Variants in NKAIN2 observed in about 807,000 individuals in gnomAD.
NKAIN2 encodes the protein sodium/potassium transporting ATPase interacting 2, also known as sodium/potassium-transporting ATPase subunit beta-1-interacting protein 2.
NKAIN2 carries 14 observed loss-of-function variants against 32.6 expected under a neutral mutation model. That is an observed-to-expected ratio of 0.43 (90% CI 0.28 to 0.67). The LOEUF (loss-of-function observed/expected upper bound fraction) is 0.67, where lower values mean the gene tolerates loss of function less well. Ranked by LOEUF, NKAIN2 falls within the 30% of genes least tolerant of loss-of-function variation. NKAIN2 has a pLI of 0.17. For missense variants in NKAIN2, 198 were observed against 258.3 expected (o/e 0.77, Z 1.60); for synonymous variants, 80 against 87.2 (o/e 0.92, Z 0.46).
intron 3 of NKAIN2, among the ~76,000 whole-genome samples, chr6:124,556,712 C>G (rs1780489751): frequency 6.6e-6 from 1 of 151,644 alleles, no homozygotes; most frequent in Non-Finnish European, 1.5e-5. Context: ...AAAATTAGTC[C>G]CCACAAAACT....
intron 1 of NKAIN2, among the ~76,000 whole-genome samples, chr6:124,021,462 T>C (rs990325153): frequency 6.6e-6 from 1 of 151,990 alleles, no homozygotes; most frequent in Non-Finnish European, 1.5e-5. Context: ...CCTTTCAATT[T>C]GTGTAATATA....
intron 3 of NKAIN2, among the ~76,000 whole-genome samples, chr6:124,571,078 G>A (rs1781110345): frequency 6.6e-6 from 1 of 152,134 alleles, no homozygotes; most frequent in African/African-American, 2.4e-5. Context: ...GACTTGCATG[G>A]GCCCTGTAGC....
At chr6:124,048,965 C>T (rs1042639013) in intron 1 of NKAIN2, among the ~76,000 whole-genome samples, 3 of 152,002 alleles carry the variant, frequency 2.0e-5, no homozygotes, top group African/African-American at 4.8e-5. Flanking sequence ...AAAGAGAGTA[C>T]GTAGAATCAG....
intron 1 of NKAIN2, among the ~76,000 whole-genome samples, chr6:123,993,025 T>C (rs1350644720): frequency 6.6e-6 from 1 of 151,880 alleles, no homozygotes; most frequent in Non-Finnish European, 1.5e-5. Flanking sequence ...TATTCCTATC[T>C]GGTAAAACAA....
intron 3 of NKAIN2, among the ~76,000 whole-genome samples, chr6:124,500,976 G>A (rs551419637): frequency 2.6e-5 from 4 of 152,170 alleles, no homozygotes; most frequent in Non-Finnish European, 4.4e-5. Context: ...AAGATAAGAT[G>A]TAGAAAAGAT....
intron 1 of NKAIN2, among the ~76,000 whole-genome samples, chr6:124,077,682 G>A (rs1329001221): frequency 6.7e-6 from 1 of 149,916 alleles, no homozygotes; most frequent in Non-Finnish European, 1.5e-5. Flanking sequence ...CTGCAGACTT[G>A]ATCTCCTGGG....
intron 3 of NKAIN2, among the ~76,000 whole-genome samples, chr6:124,484,971 T>C (rs1443037775): frequency 1.3e-5 from 2 of 152,108 alleles, no homozygotes; most frequent in African/African-American, 4.8e-5. Flanking sequence ...AAGAGCCCCT[T>C]CTGAGTGAAT....
At chr6:123,826,889 T>C (rs1044662439) in intron 1 of NKAIN2, among the ~76,000 whole-genome samples, 1 of 152,150 alleles carries the variant, frequency 6.6e-6, no homozygotes, top group Non-Finnish European at 1.5e-5. Flanking sequence ...CATATGGCAT[T>C]TCTATTTGTA....
intron 4 of NKAIN2, among the ~76,000 whole-genome samples, chr6:124,707,109 C>T (rs1395647152): frequency 9.3e-5 from 14 of 150,388 alleles, no homozygotes; most frequent in Admixed American, 2.7e-4. Flanking sequence ...TTTGTTCTTG[C>T]GATAGTTTAC....
At chr6:124,454,344 A>G (rs987639727) in intron 3 of NKAIN2, among the ~76,000 whole-genome samples, 2 of 152,082 alleles carry the variant, frequency 1.3e-5, no homozygotes, top group Non-Finnish European at 2.9e-5. Flanking sequence ...TAACATAAAT[A>G]AAATTGTAGA....
At chr6:123,995,706 C>T (rs923587461) in intron 1 of NKAIN2, among the ~76,000 whole-genome samples, 3 of 152,078 alleles carry the variant, frequency 2.0e-5, no homozygotes, top group Non-Finnish European at 4.4e-5. Flanking sequence ...ACATTGGTAA[C>T]ATTTTTGTAA....
chr6:124,293,217 T>C (rs1389540700), intron 2 of NKAIN2, among the ~76,000 whole-genome samples: 1 of 152,092 alleles, frequency 6.6e-6, no homozygotes, highest in Non-Finnish European at 1.5e-5. Flanking sequence ...CTAATATCTC[T>C]TTAAAATTTT....
At chr6:124,793,092 G>A (rs1779815134) in intron 5 of NKAIN2, among the ~76,000 whole-genome samples, 1 of 152,052 alleles carries the variant, frequency 6.6e-6, no homozygotes, top group East Asian at 1.9e-4. Context: ...CAGTATTGGA[G>A]ATAGAGAGGA....
chr6:123,998,435 G>T (rs1779725101), intron 1 of NKAIN2, among the ~76,000 whole-genome samples: 1 of 152,032 alleles, frequency 6.6e-6, no homozygotes, highest in Non-Finnish European at 1.5e-5. Context: ...ATGCCAATTT[G>T]GTTCCCTAAA....
chr6:124,559,363 T>C (rs1312173852), intron 3 of NKAIN2, among the ~76,000 whole-genome samples: 2 of 152,152 alleles, frequency 1.3e-5, no homozygotes, highest in Non-Finnish European at 1.5e-5. Flanking sequence ...TGAGTGGACA[T>C]ACAAGTTGTC....
At chr6:124,511,409 T>C (rs1778707935) in intron 3 of NKAIN2, among the ~76,000 whole-genome samples, 1 of 152,094 alleles carries the variant, frequency 6.6e-6, no homozygotes, top group Non-Finnish European at 1.5e-5. Context: ...AAATCATAGG[T>C]CACTTTGTTC....
chr6:124,682,057 CAG>C (rs1773650877), intron 4 of NKAIN2, among the ~76,000 whole-genome samples: 1 of 151,786 alleles, frequency 6.6e-6, no homozygotes, highest in African/African-American at 2.4e-5. Context: ...TTCAAAGAAT[CAG>C]AGATTTACTT....
chr6:124,157,513 G>T (rs1042171322), intron 1 of NKAIN2, among the ~76,000 whole-genome samples: 1 of 152,082 alleles, frequency 6.6e-6, no homozygotes, highest in Non-Finnish European at 1.5e-5. Flanking sequence ...TGACCTGGGA[G>T]CCATTGTTGA....
intron 3 of NKAIN2, among the ~76,000 whole-genome samples, chr6:124,427,785 T>A (rs1775045035): frequency 6.6e-6 from 1 of 152,096 alleles, no homozygotes; most frequent in Non-Finnish European, 1.5e-5. Context: ...ACCACATATT[T>A]CCCTGATGTG....
Sources: gnomAD v4.1 joint callset for allele counts (sites outside exome capture counted in the v4.1 genomes callset) on GRCh38, gnomAD v4.1.1 for gene constraint, MANE v1.5 for transcripts, NCBI Gene and HGNC (gene_info 2026-07-23, HGNC 2026-07-21) for gene names.